ZNF780B: variants seen among roughly 807,000 people sequenced by gnomAD.
ZNF780B encodes zinc finger protein 779.
ZNF780B carries 52 observed loss-of-function variants against 74.1 expected under a neutral mutation model. The ratio of observed to expected loss-of-function variants is 0.70; its 90% confidence interval spans 0.56 to 0.88. The LOEUF is 0.88. Ranked by LOEUF, ZNF780B falls within the 40% of genes least tolerant of loss-of-function variation. The pLI is 0.00. For missense variants in ZNF780B, 953 were observed against 1,007.6 expected (o/e 0.95, Z 0.73); for synonymous variants, 315 against 324.3 (o/e 0.97, Z 0.31).
At chr19:40,055,867 G>A (rs796548255) in intron 1 of ZNF780B, among the ~76,000 whole-genome samples, 28 of 152,280 alleles carry the variant, frequency 1.8e-4, no homozygotes, top group African/African-American at 6.5e-4. Flanking sequence ...GAAGCAGCAG[G>A]AGCCTAGTAC....
At chr19:40,056,076 C>T (rs1973487448) in intron 1 of ZNF780B, 113 bp downstream of exon 1, 1 of 152,340 alleles carries the variant, frequency 6.6e-6, no homozygotes, top group Non-Finnish European at 1.5e-5. Context: ...CGGGTTCCTC[C>T]TCTGAGCGCC....
At chr19:40,050,023 C>T (rs958234263) in intron 2 of ZNF780B, among the ~76,000 whole-genome samples, 1 of 151,578 alleles carries the variant, frequency 6.6e-6, no homozygotes, top group Non-Finnish European at 1.5e-5. Flanking sequence ...TGGTGAAATC[C>T]CATCTCTACC....
Position 40,031,035 on chromosome 19 carries a change from G to T in ZNF780B, c.*3322C>A, listed in dbSNP as rs1971981261. On this transcript the variant is annotated 3_prime_UTR_variant, in exon 5 of 5. Transcript: ENST00000434248. The stretch of plus-strand genomic sequence containing the variant: ...TTATAGATGCAATTAAATGGTAAAA[G>T]ATAGAATTAAGTAGTCTATTGAAAG... The T allele has an allele frequency of 6.6e-6, 1 of 152,162 alleles. No individual in the cohort carries two copies. The highest frequency in any genetic ancestry group is 2.4e-5 in the African/African-American group (1 of 41,422). The allele number at this position is 152,162 out of a possible 1,614,324, so 9.4% of individuals were successfully genotyped here.
At chr19:40,045,385 T>C (rs1425807391) in intron 4 of ZNF780B, among the ~76,000 whole-genome samples, 2 of 152,166 alleles carry the variant, frequency 1.3e-5, no homozygotes, top group African/African-American at 2.4e-5. Context: ...TATAAATTAG[T>C]ACAATCACTA....
rs564446661 is a variant in ZNF780B, at chr19:40,041,966, TTTTGCTCATTAC to T, written c.233-5352_233-5341del. 5.5e-3 allele frequency among the ~76,000 whole-genome samples: 835 copies of T among 152,318 alleles called. 6 individuals are homozygous for T. The highest frequency in any genetic ancestry group is 0.034 in the Middle Eastern group (10 of 294). On this transcript the variant is annotated intron_variant, in intron 4 of 4. Transcript: ENST00000434248. ...CTGTAATTATGATGTTAGCTGGTTA[TTTTGCTCATTAC>T]TTGATGCAGTTTCTTCCTAGCCTTG...
Position 40,029,953 on chromosome 19 carries a change from G to A in ZNF780B, c.*4404C>T, listed in dbSNP as rs1185529915. The A allele has an allele frequency of 1.3e-5, 2 of 152,166 alleles. No homozygotes were observed. The highest frequency in any genetic ancestry group is 2.1e-4 in the South Asian group (1 of 4,832). 9.4% of individuals were successfully genotyped at this position (152,166 alleles called of 1,614,324 possible). A position where few individuals can be genotyped will look rare whatever the true frequency, so the allele number is the denominator to read the frequency against. ...ACAGGTGCTTCTCAACTTACGGGGA[G>A]TTATGTCCAAATAAACCCATCATAA... On this transcript the variant is annotated 3_prime_UTR_variant, in exon 5 of 5. Coordinates refer to ENST00000434248, the MANE Select transcript of ZNF780B (RefSeq NM_001005851.3).
rs148264307 is a variant in ZNF780B, at chr19:40,042,333, C to T, written c.232+5042G>A. ...GACCTTACTCTCTGGCTGCCCTTAA[C>T]GTTTTTTCCTTCATTTCAACTTTGG... On this transcript the variant is annotated intron_variant, in intron 4 of 4. Transcript: ENST00000434248. Among the ~76,000 whole-genome samples, 539 of 152,250 alleles carry T rather than the reference C, an allele frequency of 3.5e-3. 1 individual carries two copies. Among genetic ancestry groups the T allele is most frequent in the African/African-American group, 0.011 (445 of 41,546 alleles).
At chr19:40,041,539 C>G (rs1257360085) in intron 4 of ZNF780B, among the ~76,000 whole-genome samples, 6 of 152,264 alleles carry the variant, frequency 3.9e-5, no homozygotes, top group East Asian at 3.9e-4. Flanking sequence ...GTGTGGCAGT[C>G]TAAGTCTCTT....
intron 4 of ZNF780B, among the ~76,000 whole-genome samples, chr19:40,037,059 C>T (rs1170411163): frequency 2.0e-5 from 3 of 151,972 alleles, no homozygotes; most frequent in Non-Finnish European, 2.9e-5. Flanking sequence ...GGATTACAAA[C>T]ATCTGCCACC....
intron 1 of ZNF780B, among the ~76,000 whole-genome samples, chr19:40,055,160 G>A (rs1973430722): frequency 6.6e-6 from 1 of 151,832 alleles, no homozygotes; most frequent in Non-Finnish European, 1.5e-5. Context: ...TAAACCTCTG[G>A]AGGACTATTT....
At chr19:40,051,238 A>G (rs565787955) in intron 1 of ZNF780B, among the ~76,000 whole-genome samples, 54 of 152,004 alleles carry the variant, frequency 3.6e-4, no homozygotes, top group African/African-American at 1.3e-3. Flanking sequence ...ACACACATAT[A>G]TACACACATA....
At chr19:40,046,362 T>C (rs753488322) in intron 4 of ZNF780B, among the ~76,000 whole-genome samples, 21 of 152,174 alleles carry the variant, frequency 1.4e-4, no homozygotes, top group East Asian at 1.9e-4. Context: ...AAACATAACA[T>C]GTATCCCATA....
At chr19:40,052,180 C>T (rs1448806446) in intron 1 of ZNF780B, among the ~76,000 whole-genome samples, 1 of 152,028 alleles carries the variant, frequency 6.6e-6, no homozygotes, top group Non-Finnish European at 1.5e-5. Context: ...GGTTTTTCAC[C>T]CTAGGCACTA....
rs1972333748 is a variant in ZNF780B at position 40,036,596 on chromosome 19, AT to A, written c.262del (p.Ile88TyrfsTer10). 6.4e-7 allele frequency: 1 copy of A among 1,555,678 alleles called. No homozygotes were observed. Reference protein sequence around the residue: ...DLESKYGPEKISPENDIFEIN... With the variant: ...DLESKYGPEKXSPENDIFEIN... ...TTCAAAAATATCATTTTCTGGAGAT[AT>A]TTTCTCAGGTCCATATTTTGACTCC... On this transcript the variant is annotated frameshift_variant, in exon 5 of 5. Transcript: ENST00000434248. LOFTEE classifies it high-confidence loss of function.
chr19:40,045,199 C>T lies in ZNF780B; in HGVS notation c.232+2176G>A, dbSNP rs559021460. Among the ~76,000 whole-genome samples the T allele has an allele frequency of 6.6e-5, 10 of 152,140 alleles. No homozygotes were observed. The South Asian group carries it at 2.1e-3, about 32-fold the overall frequency. ...CACCAGAACACCCAGATATATAAGG[C>T]AAATATTATTAGAGCAAAAGGGAGA... On this transcript the variant is annotated intron_variant, in intron 4 of 4. Coordinates refer to ENST00000434248, the MANE Select transcript of ZNF780B (RefSeq NM_001005851.3).
In ZNF780B at chr19:40,047,374, C is replaced by T. The variant is rs201393134; in HGVS notation, c.232+1G>A. ...CCCCTGCCTGCTTTACTCTCACTTA[C>T]CTGGATACCATCTGCTTGTTTCTTT... On this transcript the variant is annotated splice_donor_variant, in intron 4 of 4. Coordinates refer to ENST00000434248, the MANE Select transcript of ZNF780B (RefSeq NM_001005851.3). LOFTEE classifies it high-confidence loss of function. 1.9e-6 allele frequency: 3 copies of T among 1,612,060 alleles called. No homozygotes were observed. The Admixed American group carries it at 5.0e-5, about 27-fold the overall frequency.
At chr19:40,051,354 T>C (rs1333895016) in intron 1 of ZNF780B, among the ~76,000 whole-genome samples, 1 of 152,170 alleles carries the variant, frequency 6.6e-6, no homozygotes, top group African/African-American at 2.4e-5. Context: ...ATCTTTTATT[T>C]AGACATTTTC....
In ZNF780B at chr19:40,054,276, A is replaced by G. The variant is rs140252307; in HGVS notation, c.-46+1913T>C. Among the ~76,000 whole-genome samples, 922 of 152,328 alleles carry G rather than the reference A, an allele frequency of 6.1e-3. 6 individuals carry two copies. Among genetic ancestry groups the G allele is most frequent in the African/African-American group, 0.021 (880 of 41,570 alleles). ...GGGGAAATGTTGGTCAAAGGATATA[A>G]AATTTCAGGAAGATAAGAGAAATAA... On this transcript the variant is annotated intron_variant, in intron 1 of 4. Coordinates refer to ENST00000434248, the MANE Select transcript of ZNF780B (RefSeq NM_001005851.3).
At chr19:40,051,095 T>C (rs909570591) in intron 1 of ZNF780B, among the ~76,000 whole-genome samples, 3 of 152,226 alleles carry the variant, frequency 2.0e-5, no homozygotes, top group Non-Finnish European at 4.4e-5. Context: ...TAGACAGGTA[T>C]ATGCATGCTA....
Sources: allele counts gnomAD v4.1 joint callset (sites outside exome capture counted in the v4.1 genomes callset), GRCh38; gene constraint gnomAD v4.1.1; transcripts MANE v1.5; gene names NCBI Gene and HGNC (gene_info 2026-07-23, HGNC 2026-07-21).